The following SCN8A variants were observed in gnomAD, a reference collection of about 807,000 sequenced individuals.
SCN8A encodes sodium voltage-gated channel alpha subunit 8.
Under a neutral mutation model 184.1 loss-of-function variants are expected in SCN8A, and 30 were observed. That is an observed-to-expected ratio of 0.16 (90% confidence interval 0.12 to 0.22). The LOEUF (loss-of-function observed/expected upper bound fraction) is 0.22, where lower values mean the gene tolerates loss of function less well. Ranked by LOEUF, SCN8A falls within the 10% of genes least tolerant of loss-of-function variation. The probability of loss-of-function intolerance (pLI) is 1.00; values close to 1 mark genes in which losing one functional copy is unlikely to be tolerated. For missense variants in SCN8A, 1,057 were observed against 2,498.9 expected (o/e 0.42, Z 12.30); for synonymous variants, 852 against 907.0 (o/e 0.94, Z 1.09).
At chr12:51,781,048 C>T (rs987643958) in intron 21 of SCN8A, among the ~76,000 whole-genome samples, 1 of 152,160 alleles carries the variant, frequency 6.6e-6, no homozygotes, top group African/African-American at 2.4e-5. Context: ...CTGTAGCACT[C>T]GGGGCGGCTT....
At chr12:51,593,001 A>G (rs927053090) in intron 1 of SCN8A, among the ~76,000 whole-genome samples, 9 of 152,202 alleles carry the variant, frequency 5.9e-5, no homozygotes, top group Non-Finnish European at 1.5e-5. Flanking sequence ...GCTGGATAAC[A>G]TTACCACACG....
intron 1 of SCN8A, among the ~76,000 whole-genome samples, chr12:51,621,536 A>G (rs1402200507): frequency 6.6e-5 from 10 of 152,250 alleles, no homozygotes; most frequent in Admixed American, 5.2e-4. Context: ...GGCAGAGCCT[A>G]TGCAGTTATT....
intron 1 of SCN8A, among the ~76,000 whole-genome samples, chr12:51,635,490 TGAAC>T (rs1474414792): frequency 8.9e-5 from 12 of 134,554 alleles, no homozygotes; most frequent in African/African-American, 3.3e-4. Context: ...AATGAATGAA[TGAAC>T]GAAAGGTCAC....
chr12:51,593,588 GTT>G (rs1382986961), intron 1 of SCN8A, among the ~76,000 whole-genome samples: 3 of 152,168 alleles, frequency 2.0e-5, no homozygotes, highest in Non-Finnish European at 4.4e-5. Flanking sequence ...GGTTGCCTGT[GTT>G]TAGGCTTGTA....
Position 51,807,885 on chromosome 12 carries a change from AACAC to A in SCN8A, c.*467_*470del, listed in dbSNP as rs397974598. 1 of 196,552 alleles carries A rather than the reference AACAC, an allele frequency of 5.1e-6. No individual in the cohort carries two copies. The highest frequency in any genetic ancestry group is 1.1e-5 in the Non-Finnish European group (1 of 94,600). 12.2% of individuals were successfully genotyped at this position (196,552 alleles called of 1,614,324 possible). A position where few individuals can be genotyped will look rare whatever the true frequency, so the allele number is the denominator to read the frequency against. The stretch of plus-strand genomic sequence containing the variant: ...TAGTTAAGCTAAGCAGCAAAAAGAA[AACAC>A]ACACACACACTCACATTTAGCCCAT... On this transcript the variant is annotated 3_prime_UTR_variant, in exon 27 of 27. Coordinates refer to ENST00000627620, the MANE Select transcript of SCN8A (RefSeq NM_001330260.2). This position sits in a 1 kb window ranked among gnomAD's most constrained non-coding sequence, Gnocchi z 4.5.
intron 26 of SCN8A, among the ~76,000 whole-genome samples, chr12:51,800,179 C>T (rs1010386165): frequency 5.9e-5 from 9 of 152,192 alleles, no homozygotes; most frequent in African/African-American, 1.9e-4. Flanking sequence ...TCTGGTGGAC[C>T]TTATGGACAG....
rs1391791500 is a variant in SCN8A, at chr12:51,769,331, A to G, written c.3368A>G (p.Lys1123Arg). The G allele has an allele frequency of 6.3e-7, 1 of 1,580,872 alleles. No individual in the cohort carries two copies. The highest frequency in any genetic ancestry group is 8.6e-7 in the Non-Finnish European group (1 of 1,160,112). ...AGCGAGTCGGATCCTGAAGGCAGCAAAGATGTAAGGTCCCAGCCTAGAAAC... is the reference window on the plus strand; with the variant it reads ...AGCGAGTCGGATCCTGAAGGCAGCAGAGATGTAAGGTCCCAGCCTAGAAAC... ...VSSESDPEGSKDKLDDTSSSE... is the reference protein window; with the variant it reads ...VSSESDPEGSRDKLDDTSSSE... The change falls in exon 17 of 27, where the codon AAA becomes AGA. Residue 1123 changes from lysine (K) to arginine (R), a missense_variant. This residue lies in a region of SCN8A where 178 missense variants were observed against 259.6 expected (regional missense o/e 0.69). Transcript: ENST00000627620.
intron 2 of SCN8A, among the ~76,000 whole-genome samples, chr12:51,680,990 G>A (rs1465384881): frequency 6.6e-6 from 1 of 151,856 alleles, no homozygotes; most frequent in East Asian, 1.9e-4. Context: ...GGCAACAAAA[G>A]CAAAACTCTG....
Position 51,662,120 on chromosome 12 carries a change from A to G in SCN8A, c.-54-644A>G, listed in dbSNP as rs146605216. On this transcript the variant is annotated intron_variant, in intron 1 of 26. Transcript: ENST00000627620. The stretch of plus-strand genomic sequence containing the variant: ...TTGCTAAGCAGGTGGCACTTAGAAC[A>G]GTATCTGCCCTCTGAGCTTGATGGT... Among the ~76,000 whole-genome samples, 483 of 152,334 alleles carry G rather than the reference A, an allele frequency of 3.2e-3. 4 individuals carry two copies. Among genetic ancestry groups the G allele is most frequent in the African/African-American group, 0.011 (457 of 41,578 alleles).
At chr12:51,720,753 G>A (rs1490477694) in intron 11 of SCN8A, among the ~76,000 whole-genome samples, 4 of 152,098 alleles carry the variant, frequency 2.6e-5, no homozygotes, top group African/African-American at 9.7e-5. Context: ...AATGGCAAAT[G>A]ATACAGGCAC....
intron 6 of SCN8A, 85 bp downstream of exon 6, chr12:51,689,181 C>A: frequency 9.6e-7 from 1 of 1,038,396 alleles, no homozygotes; most frequent in Non-Finnish European, 1.4e-6. Flanking sequence ...AAAGCAGCAT[C>A]AGTACAGTTG....
intron 2 of SCN8A, among the ~76,000 whole-genome samples, chr12:51,669,086 A>G (rs548323292): frequency 8.5e-5 from 13 of 152,220 alleles, no homozygotes; most frequent in Admixed American, 5.9e-4. Flanking sequence ...GTATCTAAAC[A>G]TAGCTAAACA....
At chr12:51,751,318 G>A in intron 13 of SCN8A, 37 bp from the exon 14 acceptor site, 1 of 1,411,828 alleles carries the variant, frequency 7.1e-7, no homozygotes, top group Non-Finnish European at 9.9e-7. Flanking sequence ...TTTTCTTGCT[G>A]TGATTGAGGG....
intron 1 of SCN8A, among the ~76,000 whole-genome samples, chr12:51,618,916 A>T (rs927849318): frequency 2.6e-5 from 4 of 152,172 alleles, no homozygotes; most frequent in Non-Finnish European, 4.4e-5. Flanking sequence ...AATGTTTTTT[A>T]AAATATATAA....
chr12:51,812,054 G>GTT lies in SCN8A; in HGVS notation c.*4627_*4628dup, dbSNP rs1938918761. The GTT allele has an allele frequency of 6.6e-6, 1 of 152,184 alleles. No individual in the cohort carries two copies. Among genetic ancestry groups the GTT allele is most frequent in the South Asian group, 2.1e-4 (1 of 4,822 alleles). The allele number at this position is 152,184 out of a possible 1,614,324, so 9.4% of individuals were successfully genotyped here. ...GGAGGGGCCCAAGTTTTGCAACAGA[G>GTT]TTTCCATTGTTCAGCTCTGTGCTTT... On this transcript the variant is annotated 3_prime_UTR_variant, in exon 27 of 27. Transcript: ENST00000627620.
At position 51,673,237 on chromosome 12, in the gene SCN8A, A is replaced by G. The variant is rs187835302; in HGVS notation, c.276+10144A>G. ...TAGTATAACTATTTATAAAGCATTT[A>G]CATTGTATTAAGTATTATAAGTAAT... is the stretch of plus-strand genomic sequence containing the variant. On this transcript the variant is annotated intron_variant, in intron 2 of 26. Coordinates refer to ENST00000627620, the MANE Select transcript of SCN8A (RefSeq NM_001330260.2). Among the ~76,000 whole-genome samples the G allele has an allele frequency of 2.4e-3, 365 of 152,344 alleles. 2 individuals carry two copies. Among genetic ancestry groups the G allele is most frequent in the African/African-American group, 8.4e-3 (350 of 41,568 alleles).
chr12:51,712,041 G>T (rs1194010545), intron 11 of SCN8A, among the ~76,000 whole-genome samples: 4 of 152,046 alleles, frequency 2.6e-5, no homozygotes, highest in Admixed American at 2.6e-4. Flanking sequence ...TAAAGTTTCT[G>T]TACTAAAATG....
intron 19 of SCN8A, among the ~76,000 whole-genome samples, chr12:51,771,894 T>G (rs1942930822): frequency 1.3e-5 from 2 of 152,212 alleles, no homozygotes; most frequent in African/African-American, 4.8e-5. Flanking sequence ...ATTCTTCAAA[T>G]CTAGTGAACA....
rs373724046 is a variant in SCN8A at position 51,611,384 on chromosome 12, C to T, written c.-55+20025C>T. Among the ~76,000 whole-genome samples the T allele has an allele frequency of 6.5e-4, 99 of 152,208 alleles. 1 individual carries two copies. Among genetic ancestry groups the T allele is most frequent in the African/African-American group, 2.2e-3 (93 of 41,544 alleles). ...TCACCGGGTTAGCCAAGGATGGTCT[C>T]GATCTCCTGACCTTGTGATCGCCTT... On this transcript the variant is annotated intron_variant, in intron 1 of 26. Coordinates refer to ENST00000627620, the MANE Select transcript of SCN8A (RefSeq NM_001330260.2).
Sources: allele counts gnomAD v4.1 joint callset (sites outside exome capture counted in the v4.1 genomes callset), GRCh38; gene constraint gnomAD v4.1.1; regional missense constraint gnomAD v4.1.1; non-coding constraint Gnocchi (gnomAD v3.1); transcripts MANE v1.5; gene names NCBI Gene and HGNC (gene_info 2026-07-23, HGNC 2026-07-21).